The following TRPM2 variants were observed in gnomAD, a reference collection of about 807,000 sequenced individuals.
TRPM2 encodes transient receptor potential cation channel subfamily M member 2.
A neutral mutation model predicts 174.0 loss-of-function variants in TRPM2; 161 were observed. The ratio of observed to expected loss-of-function variants is 0.93; its 90% CI spans 0.81 to 1.05. TRPM2 has a LOEUF of 1.05. TRPM2 is among the 50% of genes least tolerant of loss of function. TRPM2 has a pLI of 0.00. For synonymous variants in TRPM2, 954 were observed against 861.3 expected, an observed-to-expected ratio of 1.11 and a Z score of -1.88; for missense variants, 2,057 against 2,038.0, an observed-to-expected ratio of 1.01 and a Z score of -0.18.
rs981376434 is a variant in TRPM2, at chr21:44,368,090, TTCTA to T, written c.605-1075_605-1072del. On this transcript the variant is annotated intron_variant, in intron 4 of 31. Coordinates refer to ENST00000397928, the MANE Select transcript of TRPM2 (RefSeq NM_003307.4). ...AGTACCACCTTTTCAATTGTTATCT[TTCTA>T]TCTATCTATCTCCATCCTTCCATCC... Among the ~76,000 whole-genome samples the T allele has an allele frequency of 4.6e-5, 7 of 152,384 alleles. No individual in the cohort carries two copies. The South Asian group carries it at 1.0e-3, about 23-fold the overall frequency.
intron 18 of TRPM2, 132 bp from the exon 19 acceptor site, chr21:44,406,462 C>T: frequency 8.6e-7 from 1 of 1,160,098 alleles, no homozygotes; most frequent in Non-Finnish European, 1.2e-6. Flanking sequence ...CAGGACTGCT[C>T]CTGGGAGCCT....
chr21:44,355,310 C>G (rs1405105882), intron 2 of TRPM2, among the ~76,000 whole-genome samples: 1 of 152,214 alleles, frequency 6.6e-6, no homozygotes, highest in Non-Finnish European at 1.5e-5. Context: ...CCTCCGGAGC[C>G]GATGGTGCTC....
chr21:44,403,885 CACAT>C (rs1050450818), intron 16 of TRPM2, among the ~76,000 whole-genome samples: 21 of 150,990 alleles, frequency 1.4e-4, no homozygotes, highest in East Asian at 2.0e-4. Flanking sequence ...CATACACATG[CACAT>C]ACATATACAG....
chr21:44,414,183 G>A, intron 20 of TRPM2, 109 bp downstream of exon 20: 1 of 1,360,442 alleles, frequency 7.4e-7, no homozygotes, highest in Non-Finnish European at 1.0e-6. Flanking sequence ...ATGATGGGCT[G>A]GTGCACAGAG....
chr21:44,419,402 T>C (rs1239254707), intron 22 of TRPM2, among the ~76,000 whole-genome samples: 5 of 152,012 alleles, frequency 3.3e-5, no homozygotes, highest in Admixed American at 6.5e-5. Context: ...CTTGGAGTTG[T>C]TTCCAGAATA....
chr21:44,435,358 G>C, intron 28 of TRPM2, 141 bp downstream of exon 28: 1 of 815,118 alleles, frequency 1.2e-6, no homozygotes, highest in Non-Finnish European at 1.9e-6. Flanking sequence ...GGGGGGATGC[G>C]GGAGGCGTCT....
chr21:44,411,956 T>G (rs1023137393), intron 19 of TRPM2, among the ~76,000 whole-genome samples: 2 of 152,232 alleles, frequency 1.3e-5, no homozygotes, highest in African/African-American at 4.8e-5. Flanking sequence ...CACTTGGTCT[T>G]GGTGAATAAT....
rs1425790528 is a variant in TRPM2 at position 44,417,987 on chromosome 21, C to T, written c.3207C>T (p.Asp1069=). ...TDQIWKFQRH[D]LIEEYHGRPA... is the part of the protein sequence containing the mutation. ...AGATTTGGAAGTTCCAGCGCCATGA[C>T]CTGATCGAGGAGTACCACGGCCGCC... Residue 1069 remains aspartate (D), a synonymous_variant, in exon 21 of 32, where the codon GAC becomes GAT. Transcript: ENST00000397928. 2 of 1,613,084 alleles carry T rather than the reference C, an allele frequency of 1.2e-6. No individual in the cohort carries two copies. Among genetic ancestry groups the T allele is most frequent in the Admixed American group, 1.7e-5 (1 of 60,022 alleles).
chr21:44,410,951 A>G (rs77708471), intron 19 of TRPM2, among the ~76,000 whole-genome samples: 1 of 142,876 alleles, frequency 7.0e-6, no homozygotes, highest in East Asian at 2.1e-4. Context: ...TGTCTTGGTG[A>G]GCGTAGCCTT....
At chr21:44,368,897 G>A (rs1006648822) in intron 4 of TRPM2, among the ~76,000 whole-genome samples, 1 of 152,194 alleles carries the variant, frequency 6.6e-6, no homozygotes, top group Admixed American at 6.5e-5. Context: ...CAAAATACAA[G>A]AATGCAGAGA....
intron 16 of TRPM2, among the ~76,000 whole-genome samples, chr21:44,403,975 C>T: frequency 6.6e-6 from 1 of 151,402 alleles, no homozygotes; most frequent in East Asian, 1.9e-4. Flanking sequence ...CACACATGCA[C>T]ATACACATGC....
At chr21:44,384,852 G>A (rs988263531) in intron 9 of TRPM2, among the ~76,000 whole-genome samples, 9 of 152,186 alleles carry the variant, frequency 5.9e-5, no homozygotes, top group Admixed American at 1.3e-4. Context: ...CTTCACTGGT[G>A]AATTCTACCA....
At position 44,353,799 on chromosome 21, in the gene TRPM2, C is replaced by G; in HGVS notation, c.99C>G (p.Leu33=). The change falls in exon 1 of 32, where the codon CTC becomes CTG. Residue 33 remains leucine (L), a synonymous_variant. Transcript: ENST00000397928. The part of the protein sequence containing the change: ...RVTDLGMVSN[L]RRSNSSLFKS... ...CTGACCTGGGGATGGTCTCCAATCT[C>G]CGGCGCAGCAACAGCAGCCTCTTCA... The G allele has an allele frequency of 6.2e-7, 1 of 1,602,536 alleles. No homozygotes were observed. Among genetic ancestry groups the G allele is most frequent in the Non-Finnish European group, 8.5e-7 (1 of 1,175,214 alleles).
At chr21:44,384,533 A>T (rs1193990287) in intron 9 of TRPM2, among the ~76,000 whole-genome samples, 1 of 152,172 alleles carries the variant, frequency 6.6e-6, no homozygotes. Flanking sequence ...TAACAAGCCC[A>T]CTCTTGAAAT....
chr21:44,406,083 G>A (rs774353502), intron 18 of TRPM2, 46 bp downstream of exon 18: 10 of 1,595,002 alleles, frequency 6.3e-6, no homozygotes, highest in Non-Finnish European at 7.6e-6. Flanking sequence ...GCAGCCCAGG[G>A]TGGGCCTCGG....
rs538913065 is a variant in TRPM2 at position 44,406,876 on chromosome 21, G to A, written c.2962+111G>A. 7.4e-5 allele frequency: 101 copies of A among 1,364,392 alleles called. No homozygotes were observed. The East Asian group carries it at 1.4e-3, about 19-fold the overall frequency. The allele number at this position is 1,364,392 out of a possible 1,614,324, so 84.5% of individuals were successfully genotyped here. A position where few individuals can be genotyped will look rare whatever the true frequency, so the allele number is the denominator to read the frequency against. ...GGCCGGCTCCATCAGGGGGTCCTGC[G>A]GTTCCCACCTGGCCGGTGTCCTCCC... is the stretch of plus-strand genomic sequence containing the variant. On this transcript the variant is annotated intron_variant, in intron 19 of 31. Coordinates refer to ENST00000397928, the MANE Select transcript of TRPM2 (RefSeq NM_003307.4).
intron 2 of TRPM2, among the ~76,000 whole-genome samples, chr21:44,355,044 C>G (rs2048016135): frequency 6.6e-6 from 1 of 152,004 alleles, no homozygotes. Flanking sequence ...GATGCATCCT[C>G]TAATCCTCTC....
In TRPM2 at chr21:44,426,654, C is replaced by T. The variant is rs117548537; in HGVS notation, c.3796-6C>T. Reference sequence around the variant, plus strand: ...ATCTGAGGGAAAACTCCCTGTTTTGCGACAGACGGAGTTCCTGATCTATGA... The same window carrying T: ...ATCTGAGGGAAAACTCCCTGTTTTGTGACAGACGGAGTTCCTGATCTATGA... On this transcript the variant is annotated splice_region_variant and splice_polypyrimidine_tract_variant and intron_variant, in intron 25 of 31. Coordinates refer to ENST00000397928, the MANE Select transcript of TRPM2 (RefSeq NM_003307.4). 7,975 of 1,614,080 alleles carry T rather than the reference C, an allele frequency of 4.9e-3. 25 individuals are homozygous for T. The highest frequency in any genetic ancestry group is 6.0e-3 in the Non-Finnish European group (7,064 of 1,179,912).
chr21:44,408,434 G>A (rs2049978477), intron 19 of TRPM2, among the ~76,000 whole-genome samples: 1 of 151,714 alleles, frequency 6.6e-6, no homozygotes, highest in South Asian at 2.1e-4. Context: ...CCACATTCCT[G>A]CCTGCCCAGT....
Sources: allele counts gnomAD v4.1 joint callset (sites outside exome capture counted in the v4.1 genomes callset), GRCh38; gene constraint gnomAD v4.1.1; transcripts MANE v1.5; gene names NCBI Gene and HGNC (gene_info 2026-07-23, HGNC 2026-07-21).